The following NRXN3 variants were observed in gnomAD, a reference collection of about 807,000 sequenced individuals.
The protein encoded by NRXN3 is neurexin III.
In NRXN3, 32 loss-of-function variants were observed where a neutral mutation model predicts 137.6. The ratio of observed to expected loss-of-function variants is 0.23; its 90% CI spans 0.18 to 0.31. The LOEUF is 0.31. NRXN3 is among the 10% of genes least tolerant of loss of function. NRXN3 has a pLI of 1.00. For synonymous variants in NRXN3, 798 were observed against 784.5 expected (o/e 1.02, Z -0.29); for missense variants, 1,574 against 2,062.5 (o/e 0.76, Z 4.59).
At chr14:79,276,594 A>G (rs1427535012) in intron 15 of NRXN3, among the ~76,000 whole-genome samples, 1 of 152,158 alleles carries the variant, frequency 6.6e-6, no homozygotes, top group East Asian at 1.9e-4. Context: ...TTTGTACTGC[A>G]TTAAGGATTT....
intron 17 of NRXN3, among the ~76,000 whole-genome samples, chr14:79,668,414 T>A (rs2098581959): frequency 1.3e-5 from 2 of 152,086 alleles, no homozygotes; most frequent in Admixed American, 1.3e-4. Flanking sequence ...GCCATACCCA[T>A]TTTAAGGTTA....
intron 20 of NRXN3, among the ~76,000 whole-genome samples, chr14:79,845,875 A>AGAGAGAGACGGAGAGAGAGAGATG (rs147442701): frequency 2.3e-5 from 1 of 43,832 alleles, no homozygotes; most frequent in Non-Finnish European, 5.0e-5. Flanking sequence ...AGAGAGATGG[A>AGAGAGAGACGGAGAGAGAGAGATG]GAGAGAGAGA....
intron 15 of NRXN3, among the ~76,000 whole-genome samples, chr14:79,322,915 A>T (rs1052595271): frequency 6.6e-5 from 10 of 152,268 alleles, no homozygotes; most frequent in Admixed American, 2.0e-4. Context: ...GAAGACAAAG[A>T]TCCTAAACCT....
At chr14:79,263,560 G>A (rs2077968169) in intron 15 of NRXN3, among the ~76,000 whole-genome samples, 1 of 152,112 alleles carries the variant, frequency 6.6e-6, no homozygotes, top group African/African-American at 2.4e-5. Flanking sequence ...CCATTTTTGA[G>A]CACTATGCCT....
At chr14:78,412,973 A>G (rs2092921396) in intron 4 of NRXN3, among the ~76,000 whole-genome samples, 1 of 152,188 alleles carries the variant, frequency 6.6e-6, no homozygotes. Context: ...TATTTAAGCC[A>G]AAGTATTTGA....
rs74066542 is a variant in NRXN3, at chr14:78,447,721, G to A, written c.757+149861G>A. Among the ~76,000 whole-genome samples the A allele has an allele frequency of 6.8e-3, 1,039 of 152,274 alleles. 10 individuals are homozygous for A. Among genetic ancestry groups the A allele is most frequent in the African/African-American group, 0.024 (998 of 41,562 alleles). On this transcript the variant is annotated intron_variant, in intron 4 of 20. Transcript: ENST00000335750. ...CAATCTCCCTTTTTGAGTTAATCAT[G>A]CTTGCTATGGCCTGAGATTTGAAAA...
chr14:78,528,353 G>A (rs527309282), intron 4 of NRXN3, among the ~76,000 whole-genome samples: 1 of 152,272 alleles, frequency 6.6e-6, no homozygotes, highest in East Asian at 1.9e-4. Context: ...GTATTTTGGG[G>A]TGGAGGATTG....
chr14:78,860,351 G>A (rs2099069116), intron 10 of NRXN3, among the ~76,000 whole-genome samples: 1 of 152,072 alleles, frequency 6.6e-6, no homozygotes, highest in South Asian at 2.1e-4. Flanking sequence ...CAGCATTCAA[G>A]TTCATGCTTA....
At chr14:78,774,405 T>C (rs1010646892) in intron 8 of NRXN3, among the ~76,000 whole-genome samples, 12 of 152,226 alleles carry the variant, frequency 7.9e-5, no homozygotes, top group African/African-American at 2.9e-4. Context: ...AAGGGAATAA[T>C]TGGATAGTTT....
chr14:78,480,886 C>T (rs2095461448), intron 4 of NRXN3, among the ~76,000 whole-genome samples: 3 of 152,154 alleles, frequency 2.0e-5, no homozygotes, highest in Admixed American at 2.0e-4. Flanking sequence ...ACTGTCATTC[C>T]TCTTTTTCCC....
At chr14:79,278,236 C>T (rs1422091863) in intron 15 of NRXN3, among the ~76,000 whole-genome samples, 1 of 152,114 alleles carries the variant, frequency 6.6e-6, no homozygotes, top group African/African-American at 2.4e-5. Context: ...GCTTTTTACC[C>T]AAGGTGAATG....
chr14:78,805,195 C>T (rs1329227468), intron 9 of NRXN3, among the ~76,000 whole-genome samples: 3 of 151,910 alleles, frequency 2.0e-5, no homozygotes, highest in African/African-American at 7.3e-5. Flanking sequence ...TCAGTGTTTA[C>T]AGTACCGTGC....
At chr14:78,543,755 C>G (rs1057255919) in intron 4 of NRXN3, among the ~76,000 whole-genome samples, 1 of 152,022 alleles carries the variant, frequency 6.6e-6, no homozygotes, top group Non-Finnish European at 1.5e-5. Context: ...GATATCAATG[C>G]TTTTATGGGA....
intron 10 of NRXN3, among the ~76,000 whole-genome samples, chr14:78,848,457 C>A (rs1017718651): frequency 6.6e-6 from 1 of 152,094 alleles, no homozygotes; most frequent in Admixed American, 6.6e-5. Context: ...CAGAAATGCA[C>A]CTGCTAAGCC....
chr14:79,652,435 G>T (rs1166066184), intron 16 of NRXN3, among the ~76,000 whole-genome samples: 1 of 151,634 alleles, frequency 6.6e-6, no homozygotes, highest in East Asian at 1.9e-4. Context: ...CCGGCTTCCA[G>T]AGGGCTTACA....
At chr14:78,284,593 G>GAA (rs1383395553) in intron 3 of NRXN3, among the ~76,000 whole-genome samples, 6 of 152,154 alleles carry the variant, frequency 3.9e-5, no homozygotes, top group African/African-American at 1.4e-4. Flanking sequence ...TTTTATAGAT[G>GAA]AAAATACTTT....
chr14:79,527,991 CTGATGGGGT>C (rs1191125645), intron 16 of NRXN3, among the ~76,000 whole-genome samples: 1 of 151,766 alleles, frequency 6.6e-6, no homozygotes, highest in Non-Finnish European at 1.5e-5. Context: ...CTATATCTTG[CTGATGGGGT>C]TGATGGGGTT....
chr14:79,359,166 A>G (rs2093595267), intron 15 of NRXN3, among the ~76,000 whole-genome samples: 1 of 152,242 alleles, frequency 6.6e-6, no homozygotes, highest in Non-Finnish European at 1.5e-5. Flanking sequence ...TTTTGGTTTT[A>G]GGTAGCAAAG....
intron 6 of NRXN3, among the ~76,000 whole-genome samples, chr14:78,661,890 G>GT (rs374887314): frequency 0.012 from 1,753 of 142,260 alleles, 8 homozygotes; most frequent in African/African-American, 0.019. Flanking sequence ...TTCTGAGACA[G>GT]TTTTTTTTTT....
Sources: allele counts gnomAD v4.1 joint callset (sites outside exome capture counted in the v4.1 genomes callset), GRCh38; gene constraint gnomAD v4.1.1; transcripts MANE v1.5; gene names NCBI Gene and HGNC (gene_info 2026-07-23, HGNC 2026-07-21).